Variants in SPAG16 observed in about 807,000 individuals in gnomAD.
SPAG16 encodes sperm-associated antigen 16 protein.
SPAG16 carries 86 observed loss-of-function variants against 80.4 expected under a neutral mutation model. The ratio of observed to expected loss-of-function variants is 1.07; its 90% CI spans 0.90 to 1.28. SPAG16 has a LOEUF of 1.28. SPAG16 is among the 50% of genes most tolerant of loss of function. The pLI is 0.00. For synonymous variants in SPAG16, 294 were observed against 265.9 expected, an observed-to-expected ratio of 1.11 and a Z score of -1.03; for missense variants, 870 against 765.3, an observed-to-expected ratio of 1.14 and a Z score of -1.61.
At chr2:213,529,000 A>C (rs2075978883) in intron 10 of SPAG16, among the ~76,000 whole-genome samples, 1 of 152,182 alleles carries the variant, frequency 6.6e-6, no homozygotes, top group Non-Finnish European at 1.5e-5. Context: ...CTTGGTATTA[A>C]ATTCTAATGA....
chr2:213,305,663 T>C (rs968685537), intron 3 of SPAG16, among the ~76,000 whole-genome samples: 1 of 152,184 alleles, frequency 6.6e-6, no homozygotes, highest in Non-Finnish European at 1.5e-5. Context: ...ATCACATTGA[T>C]AGATTTGCAT....
intron 15 of SPAG16, among the ~76,000 whole-genome samples, chr2:214,209,389 A>G (rs146764849): frequency 2.0e-5 from 3 of 152,220 alleles, no homozygotes. Flanking sequence ...ATAAAATAAC[A>G]GTAAACAAAG....
chr2:213,873,240 G>C (rs989638188), intron 11 of SPAG16, among the ~76,000 whole-genome samples: 1 of 151,938 alleles, frequency 6.6e-6, no homozygotes, highest in Non-Finnish European at 1.5e-5. Context: ...ACAAGAATTT[G>C]TCTACTCTAT....
intron 15 of SPAG16, among the ~76,000 whole-genome samples, chr2:214,358,543 C>G (rs893429096): frequency 6.6e-6 from 1 of 151,506 alleles, no homozygotes; most frequent in Non-Finnish European, 1.5e-5. Flanking sequence ...ATCATATTAT[C>G]AAAAGCAGAA....
At position 214,283,048 on chromosome 2, in the gene SPAG16, T is replaced by TA. The variant is rs1693077780; in HGVS notation, c.1721-127085dup. On this transcript the variant is annotated intron_variant, in intron 15 of 15. Transcript: ENST00000331683. Reference sequence around the variant, plus strand: ...ATATAGATGACAGCAACCAATACTCTAAAAAAATTATATATGTAAGAAAAG... The same window carrying TA: ...ATATAGATGACAGCAACCAATACTCTAAAAAAAATTATATATGTAAGAAAAG... 2.6e-5 allele frequency among the ~76,000 whole-genome samples: 4 copies of TA among 152,054 alleles called. No homozygotes were observed. In the South Asian group the frequency reaches 8.3e-4, roughly 32 times the overall value.
intron 10 of SPAG16, among the ~76,000 whole-genome samples, chr2:213,692,132 A>G (rs2064968059): frequency 6.6e-6 from 1 of 152,212 alleles, no homozygotes; most frequent in African/African-American, 2.4e-5. Flanking sequence ...TTACACCATT[A>G]TAAGCCTCTG....
chr2:214,189,207 T>C lies in SPAG16; in HGVS notation c.1720+39941T>C, dbSNP rs145745148. On this transcript the variant is annotated intron_variant, in intron 15 of 15. Transcript: ENST00000331683. ...TAAATTAACATCATAAAGCAGAATT[T>C]GCATCTGGCCACCAGGCCTTTAGTC... is the stretch of plus-strand genomic sequence containing the variant. Among the ~76,000 whole-genome samples, 589 of 152,208 alleles carry C rather than the reference T, an allele frequency of 3.9e-3. 3 individuals carry two copies. The highest frequency in any genetic ancestry group is 0.013 in the African/African-American group (548 of 41,550).
At chr2:213,561,218 T>C (rs1337120808) in intron 10 of SPAG16, among the ~76,000 whole-genome samples, 1 of 152,228 alleles carries the variant, frequency 6.6e-6, no homozygotes, top group Admixed American at 6.6e-5. Context: ...CTATCTGATA[T>C]GCTAGTACTT....
chr2:214,202,294 C>T (rs1456140661), intron 15 of SPAG16, among the ~76,000 whole-genome samples: 1 of 152,058 alleles, frequency 6.6e-6, no homozygotes, highest in African/African-American at 2.4e-5. Context: ...TATGATATGT[C>T]TGTATTTAAA....
intron 15 of SPAG16, among the ~76,000 whole-genome samples, chr2:214,182,423 A>G (rs562477179): frequency 6.6e-6 from 1 of 151,978 alleles, no homozygotes; most frequent in African/African-American, 2.4e-5. Flanking sequence ...AGATGGACTA[A>G]TATGTGCGTT....
At chr2:214,101,722 A>T (rs745901397) in intron 13 of SPAG16, among the ~76,000 whole-genome samples, 2 of 152,166 alleles carry the variant, frequency 1.3e-5, no homozygotes, top group African/African-American at 4.8e-5. Context: ...TGACTCTGCC[A>T]CTTTTTATTT....
At chr2:213,519,766 CA>C (rs139207701) in intron 10 of SPAG16, among the ~76,000 whole-genome samples, 13,328 of 147,164 alleles carry the variant, frequency 0.091, 1,367 homozygotes, top group African/African-American at 0.25. Context: ...AGCAATCATA[CA>C]AAAAAAAAAT....
At chr2:213,794,122 A>G (rs1267762237) in intron 10 of SPAG16, among the ~76,000 whole-genome samples, 3 of 152,190 alleles carry the variant, frequency 2.0e-5, no homozygotes, top group South Asian at 2.1e-4. Context: ...GTATTAAATT[A>G]AAGTTCAAGC....
chr2:214,268,744 GGTGTGT>G (rs56365941), intron 15 of SPAG16, among the ~76,000 whole-genome samples: 1 of 150,042 alleles, frequency 6.7e-6, no homozygotes, highest in Non-Finnish European at 1.5e-5. Context: ...GCATCTGAAG[GGTGTGT>G]GTGTGTGTGT....
chr2:213,422,229 T>C (rs1160742659), intron 9 of SPAG16: 1 of 701,808 alleles, frequency 1.4e-6, no homozygotes, highest in Non-Finnish European at 2.6e-6. Flanking sequence ...TTTGGGGCTG[T>C]GCAGTTTCAG....
chr2:214,279,392 G>T (rs1056770572), intron 15 of SPAG16, among the ~76,000 whole-genome samples: 2 of 152,068 alleles, frequency 1.3e-5, no homozygotes, highest in African/African-American at 4.8e-5. Context: ...AAAACACTAG[G>T]CAATAAAGTA....
chr2:213,652,803 A>G (rs1362344660), intron 10 of SPAG16, among the ~76,000 whole-genome samples: 1 of 152,098 alleles, frequency 6.6e-6, no homozygotes, highest in East Asian at 1.9e-4. Context: ...CTCTCAATCT[A>G]TAGGTTGCCT....
chr2:214,376,151 T>C (rs1700116071), intron 15 of SPAG16, among the ~76,000 whole-genome samples: 1 of 152,138 alleles, frequency 6.6e-6, no homozygotes, highest in African/African-American at 2.4e-5. Context: ...ATGTGACAAA[T>C]TGTTGAGAAA....
chr2:213,383,436 G>A (rs1328104996), intron 9 of SPAG16, among the ~76,000 whole-genome samples: 9 of 152,100 alleles, frequency 5.9e-5, no homozygotes, highest in East Asian at 1.9e-4. Context: ...TGTCTTGGAT[G>A]TCTAAATAAG....
Sources: gnomAD v4.1 joint callset for allele counts (sites outside exome capture counted in the v4.1 genomes callset) on GRCh38, gnomAD v4.1.1 for gene constraint, MANE v1.5 for transcripts, NCBI Gene and HGNC (gene_info 2026-07-23, HGNC 2026-07-21) for gene names.